Variants in CELF1 observed in about 807,000 individuals in gnomAD.
CELF1 encodes the protein 50 kDa nuclear polyadenylated RNA-binding protein.
CELF1 carries 10 observed loss-of-function variants against 61.8 expected under a neutral mutation model. That is an observed-to-expected ratio of 0.16 (90% confidence interval 0.10 to 0.27). CELF1 has a LOEUF of 0.27. CELF1 is among the 10% of genes least tolerant of loss of function. The pLI is 1.00. For missense variants in CELF1, 380 were observed against 639.1 expected, an observed-to-expected ratio of 0.59 and a Z score of 4.37; for synonymous variants, 236 against 225.1, an observed-to-expected ratio of 1.05 and a Z score of -0.43.
upstream of CELF1, among the ~76,000 whole-genome samples, chr11:47,554,815 C>T (rs1007873028): frequency 1.3e-5 from 2 of 152,146 alleles, no homozygotes; most frequent in South Asian, 4.1e-4. Context: ...GCGCGTGCCA[C>T]GATGCCTGAC....
intron 9 of CELF1, among the ~76,000 whole-genome samples, chr11:47,479,405 C>A (rs958908782): frequency 1.3e-5 from 2 of 152,246 alleles, no homozygotes; most frequent in East Asian, 1.9e-4. Context: ...CTACTTCACA[C>A]AACTATTTTA....
intron 11 of CELF1, 67 bp from the exon 12 acceptor site, chr11:47,477,026 G>A: frequency 7.6e-7 from 1 of 1,316,188 alleles, no homozygotes. Context: ...AAGAAAAAGT[G>A]TCACTATCCA....
In CELF1 at chr11:47,470,193, A is replaced by G. The variant is rs1779113140; in HGVS notation, c.*2037T>C. ...AGGTAATAAATATTCTCCACCCCGG[A>G]GCTGTATAAAACTTCTATAAAAATA... On this transcript the variant is annotated 3_prime_UTR_variant, in exon 15 of 15. Coordinates refer to ENST00000687097, the MANE Select transcript of CELF1 (RefSeq NM_001376376.1). 1 of 152,034 alleles carries G rather than the reference A, an allele frequency of 6.6e-6. No individual in the cohort carries two copies. The highest frequency in any genetic ancestry group is 6.5e-5 in the Admixed American group (1 of 15,270). The allele number at this position is 152,034 out of a possible 1,614,324, so 9.4% of individuals were successfully genotyped here. A position where few individuals can be genotyped will look rare whatever the true frequency, so the allele number is the denominator to read the frequency against.
chr11:47,472,264 A>G lies in CELF1; in HGVS notation c.1511T>C (p.Leu504Pro). Residue 504 changes from leucine to proline, a missense_variant, in exon 15 of 15, where the codon CTC becomes CCC. Transcript: ENST00000687097. ...CTTGCTGTCATTCTTCGAACGTTTG[A>G]GCTGCACTTTAAGCCGCTTCATGCC... is the stretch of plus-strand genomic sequence containing the variant. ...QIGMKRLKVQLKRSKNDSKPY is the reference protein window; with the variant it reads ...QIGMKRLKVQPKRSKNDSKPY The G allele has an allele frequency of 1.2e-6, 2 of 1,614,142 alleles. No individual in the cohort carries two copies. Among genetic ancestry groups the G allele is most frequent in the Non-Finnish European group, 1.7e-6 (2 of 1,180,028 alleles).
rs1252643547 is a variant in CELF1, at chr11:47,486,949, G to A, written c.343-151C>T. On this transcript the variant is annotated intron_variant, in intron 5 of 14. Coordinates refer to ENST00000687097, the MANE Select transcript of CELF1 (RefSeq NM_001376376.1). ...TCTTTCCCCAGAAAACAGAATGTGAGTCAAGAAGTCAAAATACACAAGACT... is the reference window on the plus strand; with the variant it reads ...TCTTTCCCCAGAAAACAGAATGTGAATCAAGAAGTCAAAATACACAAGACT... 73 of 743,724 alleles carry A rather than the reference G, an allele frequency of 9.8e-5. No homozygotes were observed. The East Asian group carries it at 1.9e-3, about 19-fold the overall frequency. The allele number at this position is 743,724 out of a possible 1,614,324, so 46.1% of individuals were successfully genotyped here.
chr11:47,527,847 G>A lies in CELF1; in HGVS notation c.-154+25145C>T, dbSNP rs560933405. Among the ~76,000 whole-genome samples, 11 of 152,314 alleles carry A rather than the reference G, an allele frequency of 7.2e-5. No homozygotes were observed. The East Asian group carries it at 2.1e-3, about 29-fold the overall frequency. The stretch of plus-strand genomic sequence containing the variant: ...GTGGTGGCTCACGCCTGTAACCTCA[G>A]CACTTTGGGAGGCCGAGGCAGGTGG... On this transcript the variant is annotated intron_variant, in intron 1 of 14. Transcript: ENST00000687097.
intron 3 of CELF1, chr11:47,494,494 CA>C: frequency 1.0e-6 from 1 of 982,442 alleles, no homozygotes; most frequent in Non-Finnish European, 1.2e-6. Context: ...CACGAGGGAA[CA>C]AAAAAGAGCT....
chr11:47,482,086 C>T (rs2083596434), intron 9 of CELF1, among the ~76,000 whole-genome samples: 1 of 152,052 alleles, frequency 6.6e-6, no homozygotes, highest in Non-Finnish European at 1.5e-5. Flanking sequence ...GTCTGTAGTC[C>T]CAGCTACTTG....
intron 6 of CELF1, among the ~76,000 whole-genome samples, chr11:47,486,413 ATCT>A (rs898567649): frequency 6.6e-6 from 1 of 151,704 alleles, no homozygotes; most frequent in Non-Finnish European, 1.5e-5. Context: ...CTAGGCAGAA[ATCT>A]TTTTTTTTTT....
At chr11:47,552,950 C>T (rs1403621480) in intron 1 of CELF1, 42 bp downstream of exon 1, 2 of 397,698 alleles carry the variant, frequency 5.0e-6, no homozygotes, top group African/African-American at 2.1e-5. Flanking sequence ...TTTTCCCCTC[C>T]CTCCCTCCCG....
intron 1 of CELF1, among the ~76,000 whole-genome samples, chr11:47,501,521 G>A (rs746856406): frequency 2.2e-4 from 34 of 152,180 alleles, no homozygotes; most frequent in Non-Finnish European, 4.0e-4. Flanking sequence ...TAAAAAGGCT[G>A]AGCAACAACA....
intron 1 of CELF1, among the ~76,000 whole-genome samples, chr11:47,521,861 A>T (rs1180614713): frequency 2.0e-5 from 3 of 152,172 alleles, no homozygotes; most frequent in Non-Finnish European, 4.4e-5. Flanking sequence ...CTGTTTACTG[A>T]GCTAGAAACA....
chr11:47,473,194 G>C lies in CELF1; in HGVS notation c.1311C>G (p.Pro437=), dbSNP rs150154427. The change falls in exon 14 of 15, where the codon CCC becomes CCG. Residue 437 remains proline (P), a synonymous_variant. Coordinates refer to ENST00000687097, the MANE Select transcript of CELF1 (RefSeq NM_001376376.1). ...GCAGGTCCTGATCACCAAACTCCTG[G>C]GGCAGGTGGTAGATGAACAGGTTGG... The part of the protein sequence containing the change: ...EGANLFIYHL[P]QEFGDQDLLQ... The C allele has an allele frequency of 5.0e-6, 8 of 1,614,058 alleles. No individual in the cohort carries two copies. The highest frequency in any genetic ancestry group is 6.8e-6 in the Non-Finnish European group (8 of 1,179,998).
At chr11:47,528,164 T>G (rs1324278023) in intron 1 of CELF1, among the ~76,000 whole-genome samples, 1 of 125,058 alleles carries the variant, frequency 8.0e-6, no homozygotes, top group Non-Finnish European at 1.6e-5. Context: ...TGAAAAGGAA[T>G]TGCTCCAAGT....
At chr11:47,537,101 C>T (rs571934235) in intron 1 of CELF1, among the ~76,000 whole-genome samples, 82 of 152,242 alleles carry the variant, frequency 5.4e-4, no homozygotes, top group African/African-American at 1.8e-3. Flanking sequence ...AGACTGCCAG[C>T]AATATCAGAT....
upstream of CELF1, among the ~76,000 whole-genome samples, chr11:47,554,040 A>T (rs75963464): frequency 1.7e-3 from 261 of 152,156 alleles, no homozygotes; most frequent in African/African-American, 6.1e-3. Context: ...CATGCAAATA[A>T]CTCATGGGAT....
chr11:47,537,407 TCAA>T (rs1442014341), intron 1 of CELF1, among the ~76,000 whole-genome samples: 1 of 151,846 alleles, frequency 6.6e-6, no homozygotes, highest in Non-Finnish European at 1.5e-5. Flanking sequence ...ACCACCACAT[TCAA>T]CAAATTTCTG....
At chr11:47,479,090 C>T (rs928866613) in intron 9 of CELF1, 138 bp from the exon 10 acceptor site, 1 of 621,250 alleles carries the variant, frequency 1.6e-6, no homozygotes, top group Non-Finnish European at 2.9e-6. Flanking sequence ...CCCAAGCCAA[C>T]ACAACAGAAA....
chr11:47,526,099 G>A (rs1394809885), intron 1 of CELF1, among the ~76,000 whole-genome samples: 3 of 152,072 alleles, frequency 2.0e-5, no homozygotes, highest in Non-Finnish European at 4.4e-5. Flanking sequence ...GGAGGCCAAG[G>A]TGGGCAGATC....
Sources: gnomAD v4.1 joint callset for allele counts (sites outside exome capture counted in the v4.1 genomes callset) on GRCh38, gnomAD v4.1.1 for gene constraint, MANE v1.5 for transcripts, NCBI Gene and HGNC (gene_info 2026-07-23, HGNC 2026-07-21) for gene names.